The following PDCD7 variants were observed in gnomAD, a reference collection of about 807,000 sequenced individuals.
The protein encoded by PDCD7 is programmed cell death 7.
Under a neutral mutation model 42.1 loss-of-function variants are expected in PDCD7, and 40 were observed. That is an observed-to-expected ratio of 0.95 (90% CI 0.74 to 1.24). The LOEUF (loss-of-function observed/expected upper bound fraction) is 1.24. Among genes scored for constraint, PDCD7 ranks in the 50% most tolerant of loss-of-function variants. The probability of loss-of-function intolerance (pLI) is 0.00; values close to 1 mark genes in which losing one functional copy is unlikely to be tolerated. For synonymous variants in PDCD7, 299 were observed against 303.3 expected (o/e 0.99, Z 0.15); for missense variants, 644 against 662.8 (o/e 0.97, Z 0.31).
intron 2 of PDCD7, among the ~76,000 whole-genome samples, chr15:65,124,784 T>C (rs2087482800): frequency 6.6e-6 from 1 of 152,224 alleles, no homozygotes; most frequent in Non-Finnish European, 1.5e-5. Context: ...GATTCTATCC[T>C]TCTGCTACTC....
intron 2 of PDCD7, among the ~76,000 whole-genome samples, chr15:65,125,800 G>A (rs943175272): frequency 7.2e-5 from 11 of 152,140 alleles, no homozygotes; most frequent in Admixed American, 2.6e-4. Context: ...CTATTCTCAC[G>A]CTGCCAATAA....
At chr15:65,127,958 C>T (rs2087509806) in intron 2 of PDCD7, among the ~76,000 whole-genome samples, 1 of 152,152 alleles carries the variant, frequency 6.6e-6, no homozygotes, top group African/African-American at 2.4e-5. Flanking sequence ...GAGAGTACCA[C>T]AATGGAGGCA....
intron 1 of PDCD7, 108 bp downstream of exon 1, chr15:65,132,804 G>T: frequency 6.7e-7 from 1 of 1,487,582 alleles, no homozygotes; most frequent in Non-Finnish European, 9.0e-7. Context: ...GCTTCATTTT[G>T]CGCGTAAAAC....
chr15:65,127,178 C>A (rs2087502921), intron 2 of PDCD7, among the ~76,000 whole-genome samples: 1 of 152,186 alleles, frequency 6.6e-6, no homozygotes, highest in Admixed American at 6.5e-5. Flanking sequence ...TTCAGCGGGG[C>A]CAGGCGTGGT....
At chr15:65,123,260 T>G (rs1199859370) in intron 2 of PDCD7, among the ~76,000 whole-genome samples, 1 of 152,242 alleles carries the variant, frequency 6.6e-6, no homozygotes, top group African/African-American at 2.4e-5. Flanking sequence ...CGATCTCACC[T>G]CACTGTAACC....
intron 2 of PDCD7, among the ~76,000 whole-genome samples, chr15:65,121,981 T>A (rs569258705): frequency 3.3e-5 from 5 of 152,170 alleles, no homozygotes; most frequent in Non-Finnish European, 5.9e-5. Flanking sequence ...GTGGATGTGA[T>A]CTATCCTGTC....
chr15:65,127,542 G>C (rs1010153127), intron 2 of PDCD7, among the ~76,000 whole-genome samples: 1 of 150,880 alleles, frequency 6.6e-6, no homozygotes, highest in Non-Finnish European at 1.5e-5. Flanking sequence ...TAGCCCATAA[G>C]ACAATTTGCA....
chr15:65,121,006 A>C (rs975514387), intron 2 of PDCD7, among the ~76,000 whole-genome samples: 10 of 147,178 alleles, frequency 6.8e-5, no homozygotes, highest in Admixed American at 2.7e-4. Flanking sequence ...GACTTTCTCA[A>C]CTCCTCCCTC....
Position 65,133,417 on chromosome 15 carries a change from C to A in PDCD7, c.365G>T (p.Trp122Leu). Residue 122 changes from tryptophan (W) to leucine (L), a missense_variant, in exon 1 of 5, where the codon TGG (tryptophan) becomes TTG (leucine). Physicochemically the swap from Trp to Leu is moderately conservative, Grantham distance 61. Transcript: ENST00000204549. The part of the protein sequence containing the change: ...PGPGPPWSPR[W>L]PEAPPPPADV... ...GGCCGGCGGCGGCGGCGCCTCAGGC[C>A]ACCGCGGGCTCCAGGGCGGCCCCGG... 5 of 1,183,284 alleles carry A rather than the reference C, an allele frequency of 4.2e-6. No homozygotes were observed. The highest frequency in any genetic ancestry group is 5.2e-6 in the Non-Finnish European group (5 of 957,408). 73.3% of individuals were successfully genotyped at this position (1,183,284 alleles called of 1,614,324 possible).
chr15:65,131,535 G>C (rs2087539794), intron 1 of PDCD7, among the ~76,000 whole-genome samples: 1 of 152,114 alleles, frequency 6.6e-6, no homozygotes, highest in Non-Finnish European at 1.5e-5. Context: ...GATCACCTGA[G>C]GTCAGGAGTT....
intron 2 of PDCD7, among the ~76,000 whole-genome samples, chr15:65,121,590 G>T (rs2087455455): frequency 6.6e-6 from 1 of 152,180 alleles, no homozygotes. Context: ...CTGACAGTAG[G>T]CTGACCAACT....
chr15:65,132,879 A>C, intron 1 of PDCD7, 33 bp downstream of exon 1: 1 of 1,596,514 alleles, frequency 6.3e-7, no homozygotes, highest in Non-Finnish European at 8.5e-7. Flanking sequence ...AACCACCACC[A>C]CTCCTACCCC....
chr15:65,133,681 G>A lies in PDCD7; in HGVS notation c.101C>T (p.Ser34Phe). Residue 34 changes from serine (S) to phenylalanine (F), a missense_variant, in exon 1 of 5, where the codon TCC becomes TTC. Ser to Phe is a radical substitution (Grantham distance 155, BLOSUM62 -2). Coordinates refer to ENST00000204549, the MANE Select transcript of PDCD7 (RefSeq NM_005707.2). ...PFGCPPPPLP[S>F]PAFPPPLPQR... ...GGGGAGAGGCGGCGGGAAAGCCGGG[G>A]AGGGCAGCGGCGGTGGCGGACAGCC... The A allele has an allele frequency of 7.9e-7, 1 of 1,270,870 alleles. No individual in the cohort carries two copies. The highest frequency in any genetic ancestry group is 1.0e-6 in the Non-Finnish European group (1 of 1,002,308). 78.7% of individuals were successfully genotyped at this position (1,270,870 alleles called of 1,614,324 possible).
intron 1 of PDCD7, among the ~76,000 whole-genome samples, chr15:65,130,150 C>A (rs560431361): frequency 6.8e-6 from 1 of 147,992 alleles, no homozygotes; most frequent in African/African-American, 2.5e-5. Flanking sequence ...CCGCCCCCAA[C>A]CCTCTTTTTT....
Position 65,118,673 on chromosome 15 carries a change from G to A in PDCD7, c.*44C>T. 1 of 1,524,346 alleles carries A rather than the reference G, an allele frequency of 6.6e-7. No homozygotes were observed. The highest frequency in any genetic ancestry group is 8.8e-7 in the Non-Finnish European group (1 of 1,136,202). 94.4% of individuals were successfully genotyped at this position (1,524,346 alleles called of 1,614,324 possible). ...GATGGCACCATCGCTAATATTTACA[G>A]CTGGAAAGAGCGCTGGCTGGACCAC... On this transcript the variant is annotated 3_prime_UTR_variant, in exon 5 of 5. Transcript: ENST00000204549.
chr15:65,119,616 G>A, intron 3 of PDCD7, 102 bp downstream of exon 3: 1 of 1,289,516 alleles, frequency 7.8e-7, no homozygotes, highest in South Asian at 1.3e-5. Flanking sequence ...CATCTGGAAG[G>A]TGTCATTTGT....
rs1273439450 is a variant in PDCD7, at chr15:65,119,804, C to T, written c.1160G>A (p.Arg387Lys). The T allele has an allele frequency of 6.2e-7, 1 of 1,613,518 alleles. No homozygotes were observed. The highest frequency in any genetic ancestry group is 8.5e-7 in the Non-Finnish European group (1 of 1,179,626). Reference sequence around the variant, plus strand: ...TTTTCTTTGTTTCTTTTCTAATTCTCTTTTCCTCTCTTCCTCTTGTTCTCC... The same window carrying T: ...TTTTCTTTGTTTCTTTTCTAATTCTTTTTTCCTCTCTTCCTCTTGTTCTCC... Reference protein sequence around the residue: ...LEGEQEEERKRELEKKQRKEK... With the variant: ...LEGEQEEERKKELEKKQRKEK... The change falls in exon 3 of 5, where the codon AGA (arginine) becomes AAA (lysine). Residue 387 changes from arginine (R) to lysine (K), a missense_variant. By Grantham distance (26) the Arg-to-Lys change is conservative. Transcript: ENST00000204549.
chr15:65,133,256 C>A lies in PDCD7; in HGVS notation c.526G>T (p.Ala176Ser). ...HAGPSLGEVRARLLRALRLVR... is the reference protein window; with the variant it reads ...HAGPSLGEVRSRLLRALRLVR... ...AGGCGCAGAGCCCGGAGCAATCGCG[C>A]GCGCACTTCGCCAAGGCTGGGCCCG... The change falls in exon 1 of 5, where the codon GCG becomes TCG. Residue 176 changes from alanine to serine, a missense_variant. Physicochemically the swap from Ala to Ser is moderately conservative, Grantham distance 99. Transcript: ENST00000204549. 1 of 1,341,888 alleles carries A rather than the reference C, an allele frequency of 7.5e-7. No individual in the cohort carries two copies. Among genetic ancestry groups the A allele is most frequent in the South Asian group, 2.0e-5 (1 of 51,136 alleles). The allele number at this position is 1,341,888 out of a possible 1,614,324, so 83.1% of individuals were successfully genotyped here.
Position 65,133,173 on chromosome 15 carries a change from C to A in PDCD7, c.609G>T (p.Ala203=). Residue 203 remains alanine (A), a synonymous_variant, in exon 1 of 5, where the codon GCG becomes GCT. Transcript: ENST00000204549. The part of the protein sequence containing the change: ...QALREAEADG[A]AWVLLYSQTA... ...TCTGGGAGTACAGCAGGACCCAGGC[C>A]GCGCCGTCGGCTTCGGCCTCGCGCA... The A allele has an allele frequency of 1.4e-6, 2 of 1,459,932 alleles. No individual in the cohort carries two copies. Among genetic ancestry groups the A allele is most frequent in the Non-Finnish European group, 9.0e-7 (1 of 1,116,624 alleles). 90.4% of individuals were successfully genotyped at this position (1,459,932 alleles called of 1,614,324 possible).
Sources: gnomAD v4.1 joint callset for allele counts (sites outside exome capture counted in the v4.1 genomes callset) on GRCh38, gnomAD v4.1.1 for gene constraint, MANE v1.5 for transcripts, NCBI Gene and HGNC (gene_info 2026-07-23, HGNC 2026-07-21) for gene names.